CADM2: variants seen among roughly 807,000 people sequenced by gnomAD.
The protein encoded by CADM2 is cell adhesion molecule 2.
A neutral mutation model predicts 49.8 loss-of-function variants in CADM2; 12 were observed. The observed-to-expected ratio is 0.24, with a 90% CI of 0.15 to 0.39. CADM2 has a LOEUF of 0.39. CADM2 is among the 10% of genes least tolerant of loss of function. The pLI is 1.00. For missense variants in CADM2, 378 were observed against 492.3 expected (o/e 0.77, Z 2.20); for synonymous variants, 214 against 175.4 (o/e 1.22, Z -1.74).
At chr3:85,651,215 C>A (rs778530050) in intron 1 of CADM2, among the ~76,000 whole-genome samples, 6 of 151,948 alleles carry the variant, frequency 3.9e-5, no homozygotes, top group Non-Finnish European at 8.8e-5. Context: ...CTGAAAAATT[C>A]AGTGAACATT....
intron 1 of CADM2, among the ~76,000 whole-genome samples, chr3:85,188,703 C>T (rs1411041963): frequency 1.3e-5 from 2 of 151,746 alleles, no homozygotes; most frequent in African/African-American, 4.8e-5. Flanking sequence ...GCGTGAAAAT[C>T]CCTTGATATT....
intron 1 of CADM2, among the ~76,000 whole-genome samples, chr3:85,348,807 A>G (rs1285397891): frequency 6.6e-6 from 1 of 152,086 alleles, no homozygotes; most frequent in Non-Finnish European, 1.5e-5. Flanking sequence ...TCTTAACCCT[A>G]CTTAAGAGAG....
At chr3:85,076,567 G>A (rs1178657672) in intron 1 of CADM2, among the ~76,000 whole-genome samples, 1 of 151,744 alleles carries the variant, frequency 6.6e-6, no homozygotes, top group East Asian at 2.0e-4. Context: ...GGCTGGTCTC[G>A]AACTCCTGAC....
chr3:85,196,658 T>G (rs1006934103), intron 1 of CADM2, among the ~76,000 whole-genome samples: 10 of 151,976 alleles, frequency 6.6e-5, no homozygotes, highest in Non-Finnish European at 1.3e-4. Flanking sequence ...ATGATGGACA[T>G]GAGAATCCAC....
intron 8 of CADM2, chr3:86,014,996 G>A: frequency 4.5e-6 from 5 of 1,108,872 alleles, no homozygotes; most frequent in Non-Finnish European, 5.5e-6. Context: ...CGAGTAACTT[G>A]GCTTTGCTTA....
At chr3:85,860,794 A>T (rs1043823673) in intron 3 of CADM2, among the ~76,000 whole-genome samples, 12 of 152,172 alleles carry the variant, frequency 7.9e-5, no homozygotes, top group Admixed American at 2.0e-4. Flanking sequence ...GGACACAAAC[A>T]TTCAGACTAT....
intron 1 of CADM2, among the ~76,000 whole-genome samples, chr3:85,286,234 A>T (rs2043629658): frequency 6.6e-6 from 1 of 152,162 alleles, no homozygotes; most frequent in Non-Finnish European, 1.5e-5. Flanking sequence ...AGCTTGTGTG[A>T]GCATTTCTAA....
chr3:85,370,993 A>ATT (rs71108283), intron 1 of CADM2, among the ~76,000 whole-genome samples: 1 of 151,888 alleles, frequency 6.6e-6, no homozygotes, highest in African/African-American at 2.4e-5. Flanking sequence ...CAGAATAAGA[A>ATT]TTTTTTTAAA....
chr3:85,538,795 A>T (rs1456464697), intron 1 of CADM2, among the ~76,000 whole-genome samples: 2 of 152,016 alleles, frequency 1.3e-5, no homozygotes, highest in Non-Finnish European at 2.9e-5. Context: ...TTTCAGTCTG[A>T]TGTGGGAAGT....
At position 85,093,056 on chromosome 3, in the gene CADM2, A is replaced by G. The variant is rs528172325; in HGVS notation, c.61+133388A>G. On this transcript the variant is annotated intron_variant, in intron 1 of 9. Coordinates refer to ENST00000383699, the MANE Select transcript of CADM2 (RefSeq NM_001167675.2). ...TCTTTCCCTAACATCTACTTACTCT[A>G]TCAGTTTAAAATTTGCTGCATTTAC... Among the ~76,000 whole-genome samples the G allele has an allele frequency of 3.3e-5, 5 of 152,234 alleles. No homozygotes were observed. In the South Asian group the frequency reaches 1.0e-3, roughly 32 times the overall value.
intron 3 of CADM2, among the ~76,000 whole-genome samples, chr3:85,852,830 G>T (rs2075161927): frequency 6.6e-6 from 1 of 151,746 alleles, no homozygotes; most frequent in Admixed American, 6.6e-5. Context: ...ACTCTTTCTG[G>T]GAAGTTCACT....
chr3:85,423,990 T>G (rs138608467), intron 1 of CADM2, among the ~76,000 whole-genome samples: 1 of 152,212 alleles, frequency 6.6e-6, no homozygotes, highest in African/African-American at 2.4e-5. Flanking sequence ...TCCTTTGGCA[T>G]CCGATTCCTG....
At chr3:85,400,530 G>T (rs185017505) in intron 1 of CADM2, among the ~76,000 whole-genome samples, 1 of 152,134 alleles carries the variant, frequency 6.6e-6, no homozygotes, top group Admixed American at 6.5e-5. Flanking sequence ...AATGGTACCA[G>T]CTCCTCTTTT....
intron 1 of CADM2, among the ~76,000 whole-genome samples, chr3:85,081,978 T>C (rs1238074189): frequency 1.3e-5 from 2 of 152,162 alleles, no homozygotes; most frequent in Non-Finnish European, 2.9e-5. Context: ...CAAAAAAACT[T>C]TCATAAATAT....
intron 1 of CADM2, among the ~76,000 whole-genome samples, chr3:85,563,198 C>T (rs1278200912): frequency 6.6e-6 from 1 of 152,032 alleles, no homozygotes; most frequent in African/African-American, 2.4e-5. Context: ...AACAGAGTCA[C>T]ATAAAGTTCA....
chr3:85,786,268 G>A (rs1412573071), intron 2 of CADM2, among the ~76,000 whole-genome samples: 2 of 151,750 alleles, frequency 1.3e-5, no homozygotes, highest in Non-Finnish European at 2.9e-5. Flanking sequence ...CCCAAAAAAG[G>A]ATACAAAAAA....
At chr3:85,294,258 A>T (rs534032620) in intron 1 of CADM2, among the ~76,000 whole-genome samples, 47 of 152,302 alleles carry the variant, frequency 3.1e-4, no homozygotes, top group Non-Finnish European at 6.0e-4. Context: ...CTTCAAGGAG[A>T]ACTACAAAGC....
chr3:85,216,352 A>G (rs1057248120), intron 1 of CADM2, among the ~76,000 whole-genome samples: 1 of 147,498 alleles, frequency 6.8e-6, no homozygotes, highest in Non-Finnish European at 1.5e-5. Context: ...ATATTATTAT[A>G]TTAATAGTAA....
chr3:85,520,360 CACTA>C (rs1437987199), intron 1 of CADM2, among the ~76,000 whole-genome samples: 1 of 151,768 alleles, frequency 6.6e-6, no homozygotes, highest in African/African-American at 2.4e-5. Context: ...AACATTTTCA[CACTA>C]ACTGATCAAA....
Sources: gnomAD v4.1 joint callset for allele counts (sites outside exome capture counted in the v4.1 genomes callset) on GRCh38, gnomAD v4.1.1 for gene constraint, MANE v1.5 for transcripts, NCBI Gene and HGNC (gene_info 2026-07-23, HGNC 2026-07-21) for gene names.